Variants in BCAS4 observed in about 807,000 individuals in gnomAD.
BCAS4 encodes breast carcinoma-amplified sequence 4.
BCAS4 carries 9 observed loss-of-function variants against 15.7 expected under a neutral mutation model. That is an observed-to-expected ratio of 0.57 (90% CI 0.34 to 1.00). The LOEUF (loss-of-function observed/expected upper bound fraction) is 1.00, where lower values mean the gene tolerates loss of function less well. Ranked by LOEUF, BCAS4 falls within the 50% of genes least tolerant of loss-of-function variation. The probability of loss-of-function intolerance (pLI) is 0.02; values close to 1 mark genes in which losing one functional copy is unlikely to be tolerated. For missense variants in BCAS4, 225 were observed against 239.1 expected (o/e 0.94, Z 0.39); for synonymous variants, 101 against 99.5 (o/e 1.02, Z -0.09).
intron 2 of BCAS4, among the ~76,000 whole-genome samples, chr20:50,818,793 T>G (rs370573490): frequency 2.0e-5 from 3 of 152,146 alleles, no homozygotes; most frequent in African/African-American, 7.2e-5. Flanking sequence ...TACCTCCTAC[T>G]CTGTCTGGTT....
downstream of BCAS4, chr20:50,877,848 C>T (rs1025619198): frequency 2.0e-5 from 3 of 152,282 alleles, no homozygotes; most frequent in African/African-American, 7.2e-5. Flanking sequence ...GGCAGATCGC[C>T]CAGGAGTTTG....
intron 4 of BCAS4, among the ~76,000 whole-genome samples, chr20:50,859,766 G>A (rs761724764): frequency 3.3e-5 from 5 of 152,184 alleles, no homozygotes; most frequent in Admixed American, 1.3e-4. Context: ...GTGGGGAGGT[G>A]TAGCCAACTC....
chr20:50,827,735 A>G (rs373500526), intron 2 of BCAS4, among the ~76,000 whole-genome samples: 2 of 151,910 alleles, frequency 1.3e-5, no homozygotes, highest in South Asian at 4.2e-4. Flanking sequence ...TTGAATTTTT[A>G]TTTGTTTTAG....
intron 3 of BCAS4, among the ~76,000 whole-genome samples, chr20:50,838,140 C>T (rs1420721864): frequency 6.6e-6 from 1 of 152,252 alleles, no homozygotes; most frequent in African/African-American, 2.4e-5. Flanking sequence ...GATACACTCA[C>T]TCACTCATTC....
chr20:50,807,977 G>A (rs1247324568), intron 1 of BCAS4, among the ~76,000 whole-genome samples: 1 of 146,528 alleles, frequency 6.8e-6, no homozygotes, highest in African/African-American at 2.5e-5. Context: ...GCGTGATCTC[G>A]GCTCACTGCA....
At chr20:50,860,021 A>G (rs2123834303) in intron 4 of BCAS4, among the ~76,000 whole-genome samples, 1 of 152,266 alleles carries the variant, frequency 6.6e-6, no homozygotes, top group East Asian at 1.9e-4. Context: ...CTGGGGTTCC[A>G]GGCATTTGGG....
intron 4 of BCAS4, among the ~76,000 whole-genome samples, chr20:50,873,819 G>A (rs903149501): frequency 2.0e-5 from 3 of 152,204 alleles, no homozygotes; most frequent in African/African-American, 7.2e-5. Flanking sequence ...TGGGCACAAC[G>A]TTCCATTCGC....
At chr20:50,838,237 C>A (rs1389024143) in intron 3 of BCAS4, among the ~76,000 whole-genome samples, 2 of 152,240 alleles carry the variant, frequency 1.3e-5, no homozygotes. Context: ...TGGTCTTGGC[C>A]TGTGAGCAGT....
intron 2 of BCAS4, among the ~76,000 whole-genome samples, chr20:50,821,839 T>C (rs1447668015): frequency 2.0e-5 from 3 of 152,224 alleles, no homozygotes; most frequent in Non-Finnish European, 4.4e-5. Context: ...CCCTCTGTTC[T>C]GGGACCTCTT....
At chr20:50,871,455 C>T (rs8116151) in intron 4 of BCAS4, among the ~76,000 whole-genome samples, 2,872 of 152,344 alleles carry the variant, frequency 0.019, 95 homozygotes, top group African/African-American at 0.065. Context: ...CCCTTACCTG[C>T]TGATTCAGGC....
chr20:50,816,226 A>G (rs562249851), intron 1 of BCAS4, among the ~76,000 whole-genome samples: 10 of 152,200 alleles, frequency 6.6e-5, no homozygotes, highest in Non-Finnish European at 1.2e-4. Flanking sequence ...GGGTTTCGCC[A>G]TGTTGGTCAG....
chr20:50,852,959 TGGTCTGGGTTCACTTTGCAAAA>T (rs1568678302), intron 4 of BCAS4, among the ~76,000 whole-genome samples: 1 of 152,052 alleles, frequency 6.6e-6, no homozygotes, highest in African/African-American at 2.4e-5. Flanking sequence ...GGCCCACGGC[TGGTCTGGGTTCACTTTGCAAAA>T]GGGGTTCTGG....
chr20:50,855,757 T>C (rs1270084396), intron 4 of BCAS4, among the ~76,000 whole-genome samples: 1 of 152,202 alleles, frequency 6.6e-6, no homozygotes, highest in Admixed American at 6.5e-5. Context: ...CGCTTTTGAC[T>C]GTGTCACTAG....
intron 2 of BCAS4, among the ~76,000 whole-genome samples, chr20:50,823,723 C>T (rs926928273): frequency 2.6e-5 from 4 of 152,008 alleles, no homozygotes; most frequent in Non-Finnish European, 5.9e-5. Flanking sequence ...TGTGCGATTC[C>T]ACTAGTCTGA....
Position 50,851,714 on chromosome 20 carries a change from ATTGT to A in BCAS4, c.399+9818_399+9821del, listed in dbSNP as rs1411045569. 2.0e-5 allele frequency among the ~76,000 whole-genome samples: 3 copies of A among 152,030 alleles called. No individual in the cohort carries two copies. Among genetic ancestry groups the A allele is most frequent in the African/African-American group, 7.3e-5 (3 of 41,370 alleles). ...CCCTGCCATCCTGGGGTTGTTGGAC[ATTGT>A]TTGCGGCCTTTGCACATGCCGGTTC... On this transcript the variant is annotated intron_variant, in intron 4 of 4. Transcript: ENST00000371608. The surrounding 1 kb of genome is among the most constrained non-coding windows in gnomAD (Gnocchi z 4.3).
intron 2 of BCAS4, among the ~76,000 whole-genome samples, chr20:50,822,576 T>G (rs1427806532): frequency 1.3e-5 from 2 of 151,172 alleles, no homozygotes; most frequent in South Asian, 2.1e-4. Context: ...CATACATTGC[T>G]GGTAGAAATG....
intron 3 of BCAS4, among the ~76,000 whole-genome samples, 164 bp from the exon 4 acceptor site, chr20:50,841,602 G>A (rs1446361619): frequency 6.6e-6 from 1 of 152,162 alleles, no homozygotes; most frequent in Admixed American, 6.5e-5. Flanking sequence ...TTCTGCAGGT[G>A]CCCCTCCAGC....
downstream of BCAS4, chr20:50,881,123 C>G (rs537186070): frequency 6.6e-6 from 1 of 152,168 alleles, no homozygotes; most frequent in Non-Finnish European, 1.5e-5. Context: ...GACCCAGCTA[C>G]TTGGTGGGAG....
intron 4 of BCAS4, among the ~76,000 whole-genome samples, chr20:50,848,547 C>T (rs771272372): frequency 2.7e-4 from 41 of 152,202 alleles, no homozygotes; most frequent in Non-Finnish European, 5.6e-4. Flanking sequence ...TGCAGGGTCT[C>T]AAGGCCACAC....
Sources: allele counts gnomAD v4.1 joint callset (sites outside exome capture counted in the v4.1 genomes callset), GRCh38; gene constraint gnomAD v4.1.1; non-coding constraint Gnocchi (gnomAD v3.1); transcripts MANE v1.5; gene names NCBI Gene and HGNC (gene_info 2026-07-23, HGNC 2026-07-21).